The following CLVS1 variants were observed in gnomAD, a reference collection of about 807,000 sequenced individuals.
CLVS1 encodes clavesin 1, also known as clavesin-1.
Under a neutral mutation model 33.1 loss-of-function variants are expected in CLVS1, and 10 were observed. The observed-to-expected ratio is 0.30, with a 90% confidence interval of 0.19 to 0.51. The LOEUF (loss-of-function observed/expected upper bound fraction) is 0.51. Among genes scored for constraint, CLVS1 ranks in the 20% least tolerant of loss-of-function variants. The pLI is 0.97. For missense variants in CLVS1, 343 were observed against 433.4 expected (o/e 0.79, Z 1.85); for synonymous variants, 163 against 166.1 (o/e 0.98, Z 0.14).
chr8:61,343,526 G>A (rs763503793), intron 2 of CLVS1, among the ~76,000 whole-genome samples: 2 of 152,192 alleles, frequency 1.3e-5, no homozygotes, highest in Non-Finnish European at 2.9e-5. Flanking sequence ...CAATGTACTT[G>A]TACTACATAA....
At chr8:61,003,805 C>T in the CLVS1 span, among the ~76,000 whole-genome samples, 5 of 152,306 alleles carry the variant, frequency 3.3e-5, no homozygotes, top group South Asian at 2.1e-4. Flanking sequence ...CAGGAGAATA[C>T]AGCAGTGAGC....
chr8:61,493,971 C>T lies in CLVS1; in HGVS notation c.978-5484C>T, dbSNP rs376795286. Reference sequence around the variant, plus strand: ...ATTCCTGTCCCTTTGTTGGGGTCCACATAGCTCAAGAAGGCAATGCAGGGC... The same window carrying T: ...ATTCCTGTCCCTTTGTTGGGGTCCATATAGCTCAAGAAGGCAATGCAGGGC... On this transcript the variant is annotated intron_variant, in intron 5 of 5. Transcript: ENST00000325897. Among the ~76,000 whole-genome samples the T allele has an allele frequency of 1.1e-4, 16 of 152,182 alleles. No individual in the cohort carries two copies. The East Asian group carries it at 2.5e-3, about 24-fold the overall frequency.
At chr8:61,218,150 G>T (rs942918438) in intron 2 of CLVS1, among the ~76,000 whole-genome samples, 1 of 152,088 alleles carries the variant, frequency 6.6e-6, no homozygotes, top group African/African-American at 2.4e-5. Flanking sequence ...TCACTACTGG[G>T]AATTTATCCA....
chr8:61,135,502 C>A (rs1253102872), intron 2 of CLVS1, among the ~76,000 whole-genome samples: 4 of 151,986 alleles, frequency 2.6e-5, no homozygotes, highest in Non-Finnish European at 5.9e-5. Flanking sequence ...CATCTTTACA[C>A]CCAAGTGAAG....
intron 3 of CLVS1, among the ~76,000 whole-genome samples, chr8:61,389,777 G>T (rs1189527044): frequency 6.6e-6 from 1 of 152,152 alleles, no homozygotes; most frequent in Non-Finnish European, 1.5e-5. Context: ...GCACGGAAGT[G>T]CATAAAATAT....
At chr8:61,266,293 CTT>C (rs35496534) in intron 2 of CLVS1, among the ~76,000 whole-genome samples, 168 of 139,094 alleles carry the variant, frequency 1.2e-3, no homozygotes, top group African/African-American at 2.6e-3. Context: ...AATTTTCTTT[CTT>C]TTTTTTTTTT....
intron 3 of CLVS1, among the ~76,000 whole-genome samples, chr8:61,394,634 C>T (rs1295892014): frequency 6.6e-6 from 1 of 152,164 alleles, no homozygotes; most frequent in Admixed American, 6.5e-5. Context: ...TGACAGGCCT[C>T]ACCCAGCTCC....
At chr8:61,446,495 G>T (rs1435956713) in intron 3 of CLVS1, among the ~76,000 whole-genome samples, 2 of 152,186 alleles carry the variant, frequency 1.3e-5, no homozygotes, top group African/African-American at 4.8e-5. Flanking sequence ...CTTCTTGCTG[G>T]TGGGGACTAT....
chr8:61,476,425 A>G (rs1387647161), intron 5 of CLVS1, among the ~76,000 whole-genome samples: 4 of 152,284 alleles, frequency 2.6e-5, no homozygotes, highest in Non-Finnish European at 1.5e-5. Context: ...CTTCCTACCC[A>G]TGAGCATGGA....
chr8:60,969,403 G>A, the CLVS1 span, among the ~76,000 whole-genome samples: 1 of 152,134 alleles, frequency 6.6e-6, no homozygotes, highest in Non-Finnish European at 1.5e-5. Flanking sequence ...CCCTTGCCTA[G>A]CATAGCCTTA....
intron 3 of CLVS1, among the ~76,000 whole-genome samples, chr8:61,399,611 T>C (rs758476104): frequency 6.6e-6 from 1 of 152,216 alleles, no homozygotes; most frequent in Non-Finnish European, 1.5e-5. Flanking sequence ...TCTTTGCCTG[T>C]GCCTATGTCC....
intron 2 of CLVS1, among the ~76,000 whole-genome samples, chr8:61,179,984 A>G (rs1316657678): frequency 6.6e-6 from 1 of 152,202 alleles, no homozygotes; most frequent in Non-Finnish European, 1.5e-5. Flanking sequence ...AGAAATAACT[A>G]AGATCAAAGC....
chr8:61,243,230 G>T (rs114219126), intron 2 of CLVS1, among the ~76,000 whole-genome samples: 1 of 152,080 alleles, frequency 6.6e-6, no homozygotes, highest in Non-Finnish European at 1.5e-5. Context: ...AAAAAGTATT[G>T]TACATATTTA....
intron 2 of CLVS1, among the ~76,000 whole-genome samples, chr8:61,227,448 T>TG (rs1034369971): frequency 6.6e-6 from 1 of 152,178 alleles, no homozygotes; most frequent in African/African-American, 2.4e-5. Context: ...CATGAGAACT[T>TG]GCTGCTATTT....
At chr8:61,285,087 T>TA (rs553925415), upstream of CLVS1, among the ~76,000 whole-genome samples, 26 of 151,172 alleles carry the variant, frequency 1.7e-4, no homozygotes, top group East Asian at 1.4e-3. Flanking sequence ...GAGATTGGAC[T>TA]AAAAAAAAAG....
At chr8:61,468,309 A>C (rs958182552) in intron 5 of CLVS1, among the ~76,000 whole-genome samples, 1 of 152,212 alleles carries the variant, frequency 6.6e-6, no homozygotes, top group Non-Finnish European at 1.5e-5. Context: ...TTTAGTTTAA[A>C]AAATATAAGT....
intron 3 of CLVS1, among the ~76,000 whole-genome samples, chr8:61,424,244 G>C (rs954656345): frequency 6.6e-6 from 1 of 152,194 alleles, no homozygotes; most frequent in African/African-American, 2.4e-5. Flanking sequence ...ATTTCACAAA[G>C]GTCTTACACT....
intron 2 of CLVS1, among the ~76,000 whole-genome samples, chr8:61,132,205 C>G (rs1044737731): frequency 6.6e-6 from 1 of 152,250 alleles, no homozygotes; most frequent in African/African-American, 2.4e-5. Flanking sequence ...TAACTTTAAG[C>G]TCAACCCTAA....
intron 3 of CLVS1, among the ~76,000 whole-genome samples, chr8:61,415,692 G>T (rs2129604305): frequency 6.6e-6 from 1 of 152,192 alleles, no homozygotes; most frequent in Non-Finnish European, 1.5e-5. Flanking sequence ...AATGCTCCAT[G>T]CTGTTTGCTT....
Sources: gnomAD v4.1 joint callset for allele counts (sites outside exome capture counted in the v4.1 genomes callset) on GRCh38, gnomAD v4.1.1 for gene constraint, MANE v1.5 for transcripts, NCBI Gene and HGNC (gene_info 2026-07-23, HGNC 2026-07-21) for gene names.